Variants in ANKRD42 observed in about 807,000 individuals in gnomAD.
The protein encoded by ANKRD42 is ankyrin repeat domain 42.
ANKRD42 carries 43 observed loss-of-function variants against 51.5 expected under a neutral mutation model. The ratio of observed to expected loss-of-function variants is 0.83; its 90% confidence interval spans 0.65 to 1.08. The LOEUF (loss-of-function observed/expected upper bound fraction) is 1.08. Among genes scored for constraint, ANKRD42 ranks in the 50% least tolerant of loss-of-function variants. ANKRD42 has a pLI of 0.00. For synonymous variants in ANKRD42, 203 were observed against 213.0 expected, an observed-to-expected ratio of 0.95 and a Z score of 0.41; for missense variants, 608 against 629.3, an observed-to-expected ratio of 0.97 and a Z score of 0.36.
At chr11:83,230,632 G>C (rs1295368816) in intron 7 of ANKRD42, among the ~76,000 whole-genome samples, 2 of 152,040 alleles carry the variant, frequency 1.3e-5, no homozygotes, top group African/African-American at 4.8e-5. Flanking sequence ...GGTCGCCCAG[G>C]CTGGAGTGCA....
chr11:83,199,484 C>T (rs563979608), intron 2 of ANKRD42, among the ~76,000 whole-genome samples: 3 of 152,004 alleles, frequency 2.0e-5, no homozygotes, highest in East Asian at 1.9e-4. Context: ...TCAGCCATGT[C>T]GTTTATTCTA....
chr11:83,244,226 C>T (rs922073718), intron 9 of ANKRD42, among the ~76,000 whole-genome samples: 1 of 152,116 alleles, frequency 6.6e-6, no homozygotes, highest in African/African-American at 2.4e-5. Context: ...AGTGATCCGC[C>T]CGCATTGGCC....
intron 8 of ANKRD42, among the ~76,000 whole-genome samples, chr11:83,238,794 C>T (rs772758965): frequency 7.3e-5 from 11 of 151,378 alleles, no homozygotes; most frequent in African/African-American, 1.2e-4. Context: ...TGTACCATTG[C>T]ACTCCAGTCT....
At chr11:83,205,489 C>T (rs569700424) in intron 2 of ANKRD42, among the ~76,000 whole-genome samples, 8 of 152,102 alleles carry the variant, frequency 5.3e-5, no homozygotes, top group East Asian at 3.9e-4. Context: ...ACAGTAACAC[C>T]GTATGTGGTA....
At chr11:83,262,927 G>A (rs1449938760), downstream of ANKRD42, among the ~76,000 whole-genome samples, 1 of 152,136 alleles carries the variant, frequency 6.6e-6, no homozygotes, top group Non-Finnish European at 1.5e-5. Flanking sequence ...TGTGTGTCAA[G>A]TACTATGCTA....
At chr11:83,196,985 G>A (rs1861683281) in intron 1 of ANKRD42, among the ~76,000 whole-genome samples, 1 of 152,172 alleles carries the variant, frequency 6.6e-6, no homozygotes, top group African/African-American at 2.4e-5. Context: ...AAAATAAGTA[G>A]AGTGGATAGA....
Position 83,245,402 on chromosome 11 carries a change from A to G in ANKRD42, c.1196-96A>G, listed in dbSNP as rs557235975. 3.1e-5 allele frequency: 41 copies of G among 1,314,662 alleles called. No homozygotes were observed. In the East Asian group the frequency reaches 9.3e-4, roughly 30 times the overall value. 81.4% of individuals were successfully genotyped at this position (1,314,662 alleles called of 1,614,324 possible). The stretch of plus-strand genomic sequence containing the variant: ...CCCCTCTCCAAACCATACAGACACT[A>G]GTCTAGAGGAAGAATATGCTCAAGA... On this transcript the variant is annotated intron_variant, in intron 9 of 10. Coordinates refer to ENST00000533342, the MANE Select transcript of ANKRD42 (RefSeq NM_001300975.2).
intron 3 of ANKRD42, among the ~76,000 whole-genome samples, chr11:83,207,782 A>G (rs1444575129): frequency 1.3e-5 from 2 of 152,226 alleles, no homozygotes; most frequent in African/African-American, 4.8e-5. Flanking sequence ...TCTCTATGCT[A>G]TACTTCTGTA....
At chr11:83,250,357 T>C (rs753726412), downstream of ANKRD42, among the ~76,000 whole-genome samples, 2 of 152,240 alleles carry the variant, frequency 1.3e-5, no homozygotes, top group Non-Finnish European at 2.9e-5. Context: ...GCTGTTTTTA[T>C]AGCACTTTCT....
At chr11:83,235,484 T>C in intron 7 of ANKRD42, among the ~76,000 whole-genome samples, 1 of 152,242 alleles carries the variant, frequency 6.6e-6, no homozygotes, top group East Asian at 1.9e-4. Flanking sequence ...AGGTTAGATA[T>C]ATAGCTAGTA....
chr11:83,261,868 G>C (rs1459361995), downstream of ANKRD42: 2 of 1,404,942 alleles, frequency 1.4e-6, no homozygotes, highest in Admixed American at 2.0e-5. Flanking sequence ...TCCCGGTTTG[G>C]TGTTCTAAGA....
chr11:83,220,024 A>T (rs1012381695), intron 5 of ANKRD42, among the ~76,000 whole-genome samples: 3 of 152,244 alleles, frequency 2.0e-5, no homozygotes, highest in Non-Finnish European at 2.9e-5. Context: ...TCTAGCCGGC[A>T]GACATTAGCA....
intron 9 of ANKRD42, among the ~76,000 whole-genome samples, chr11:83,244,856 A>G (rs1254031441): frequency 2.0e-5 from 3 of 152,184 alleles, no homozygotes; most frequent in Admixed American, 6.5e-5. Flanking sequence ...TTTCTGTTAC[A>G]TAGTAGATTG....
rs533933991 is a variant in ANKRD42, at chr11:83,213,380, G to A, written c.586+1950G>A. On this transcript the variant is annotated intron_variant, in intron 5 of 10. Coordinates refer to ENST00000533342, the MANE Select transcript of ANKRD42 (RefSeq NM_001300975.2). ...GGAGTCACACCAACCCCAACGCCAG[G>A]CTGCGCAGTGAAGAAAATGAATAGA... 2.5e-6 allele frequency: 4 copies of A among 1,574,328 alleles called. No individual in the cohort carries two copies. The African/African-American group carries it at 4.0e-5, about 16-fold the overall frequency.
At chr11:83,220,600 C>T (rs914990229) in intron 5 of ANKRD42, among the ~76,000 whole-genome samples, 3 of 152,156 alleles carry the variant, frequency 2.0e-5, no homozygotes, top group Non-Finnish European at 2.9e-5. Context: ...GGAAGGGGTC[C>T]CGAATGGGTA....
At chr11:83,238,772 G>A (rs1256125824) in intron 8 of ANKRD42, among the ~76,000 whole-genome samples, 2 of 151,810 alleles carry the variant, frequency 1.3e-5, no homozygotes, top group Non-Finnish European at 2.9e-5. Flanking sequence ...GGAGGTTGCT[G>A]TGAGCCGAGA....
chr11:83,256,297 A>G (rs1002273041), downstream of ANKRD42, among the ~76,000 whole-genome samples: 53 of 152,178 alleles, frequency 3.5e-4, no homozygotes, highest in African/African-American at 1.3e-3. Context: ...CAATAGAATT[A>G]TATTTCTTTC....
intron 7 of ANKRD42, among the ~76,000 whole-genome samples, chr11:83,235,776 GAC>G (rs1338393868): frequency 6.6e-6 from 1 of 152,218 alleles, no homozygotes; most frequent in Non-Finnish European, 1.5e-5. Context: ...TAGGTGGGAA[GAC>G]ACATAAGCAG....
In ANKRD42 at chr11:83,216,346, G is replaced by A. The variant is rs188488213; in HGVS notation, c.586+4916G>A. Among the ~76,000 whole-genome samples the A allele has an allele frequency of 9.5e-5, 14 of 148,144 alleles. No homozygotes were observed. The East Asian group carries it at 1.6e-3, about 17-fold the overall frequency. The stretch of plus-strand genomic sequence containing the variant: ...TTACCATTTCTTTTTTTTTTTTTGA[G>A]ACGGAGTCTCGCTGTCGCCCAGGCT... On this transcript the variant is annotated intron_variant, in intron 5 of 10. Transcript: ENST00000533342.
Sources: allele counts gnomAD v4.1 joint callset (sites outside exome capture counted in the v4.1 genomes callset), GRCh38; gene constraint gnomAD v4.1.1; transcripts MANE v1.5; gene names NCBI Gene and HGNC (gene_info 2026-07-23, HGNC 2026-07-21).